The following ADAMTSL3 variants were observed in gnomAD, a reference collection of about 807,000 sequenced individuals.
The protein encoded by ADAMTSL3 is ADAMTS-like protein 3.
In ADAMTSL3, 128 loss-of-function variants were observed where a neutral mutation model predicts 201.7. That is an observed-to-expected ratio of 0.63 (90% CI 0.55 to 0.73). The LOEUF is 0.73. Among genes scored for constraint, ADAMTSL3 ranks in the 30% least tolerant of loss-of-function variants. The probability of loss-of-function intolerance (pLI) is 0.00; values close to 1 mark genes in which losing one functional copy is unlikely to be tolerated. For missense variants in ADAMTSL3, 1,990 were observed against 2,119.6 expected, an observed-to-expected ratio of 0.94 and a Z score of 1.20; for synonymous variants, 738 against 748.4, an observed-to-expected ratio of 0.99 and a Z score of 0.23.
Position 84,014,865 on chromosome 15 carries a change from AC to A in ADAMTSL3, c.4156+142del, listed in dbSNP as rs914229169. ...CATTGCTGCCACTGCCTGCTTAAAAACGAGCACTAAATTCTAACACCCTATT... is the reference window on the plus strand; with the variant it reads ...CATTGCTGCCACTGCCTGCTTAAAAAGAGCACTAAATTCTAACACCCTATT... On this transcript the variant is annotated intron_variant, in intron 24 of 29. Transcript: ENST00000286744. 8 of 829,204 alleles carry A rather than the reference AC, an allele frequency of 9.6e-6. No individual in the cohort carries two copies. In the Admixed American group the frequency reaches 2.1e-4, roughly 21 times the overall value. 51.4% of individuals were successfully genotyped at this position (829,204 alleles called of 1,614,324 possible).
At chr15:83,682,272 C>G (rs2061485975) in intron 2 of ADAMTSL3, among the ~76,000 whole-genome samples, 1 of 151,956 alleles carries the variant, frequency 6.6e-6, no homozygotes, top group Non-Finnish European at 1.5e-5. Context: ...ACAGACCTGC[C>G]CAAGGTTCAC....
chr15:83,679,592 T>C (rs930121963), intron 2 of ADAMTSL3, among the ~76,000 whole-genome samples: 7 of 152,162 alleles, frequency 4.6e-5, no homozygotes, highest in Non-Finnish European at 1.0e-4. Context: ...ATCTGCTTCA[T>C]TCACATGCAG....
intron 19 of ADAMTSL3, among the ~76,000 whole-genome samples, chr15:83,966,077 A>C (rs1215494708): frequency 6.6e-6 from 1 of 152,226 alleles, no homozygotes; most frequent in Non-Finnish European, 1.5e-5. Context: ...CATAGGAGAA[A>C]GCAGAAAAGT....
At chr15:83,761,254 A>G (rs2062805095) in intron 3 of ADAMTSL3, among the ~76,000 whole-genome samples, 1 of 152,078 alleles carries the variant, frequency 6.6e-6, no homozygotes. Flanking sequence ...CTTTAAGGCC[A>G]TTTATCTCTC....
At chr15:83,735,140 AT>A (rs2141617060) in intron 3 of ADAMTSL3, among the ~76,000 whole-genome samples, 1 of 152,308 alleles carries the variant, frequency 6.6e-6, no homozygotes, top group South Asian at 2.1e-4. Flanking sequence ...AAGAAAGAAA[AT>A]TTAACCAGAA....
At chr15:83,718,732 T>C (rs1372872813) in intron 3 of ADAMTSL3, among the ~76,000 whole-genome samples, 2 of 149,428 alleles carry the variant, frequency 1.3e-5, no homozygotes, top group African/African-American at 4.9e-5. Context: ...TGAGCATCAA[T>C]AAAAGCAAAA....
intron 9 of ADAMTSL3, among the ~76,000 whole-genome samples, chr15:83,872,915 G>C (rs2065109523): frequency 6.9e-6 from 1 of 145,556 alleles, no homozygotes; most frequent in African/African-American, 2.6e-5. Context: ...AAATAATTTG[G>C]AAGGATACAT....
Position 84,010,951 on chromosome 15 carries a change from CCA to C in ADAMTSL3, c.3974-3590_3974-3589del, listed in dbSNP as rs1406757294. On this transcript the variant is annotated intron_variant, in intron 23 of 29. Transcript: ENST00000286744. ...TACAGCTTCTGTGCTCCAGTGGCAT[CCA>C]GTATTTTACCTTTATTGCACGCTCT... is the stretch of plus-strand genomic sequence containing the variant. 2.0e-5 allele frequency among the ~76,000 whole-genome samples: 3 copies of C among 152,278 alleles called. No homozygotes were observed. In the East Asian group the frequency reaches 5.8e-4, roughly 29 times the overall value.
intron 2 of ADAMTSL3, among the ~76,000 whole-genome samples, chr15:83,660,244 C>T (rs1342804858): frequency 6.6e-6 from 1 of 152,158 alleles, no homozygotes; most frequent in East Asian, 1.9e-4. Flanking sequence ...TCTTATTCAC[C>T]TTCTACAGCA....
intron 19 of ADAMTSL3, among the ~76,000 whole-genome samples, chr15:83,952,978 A>G (rs1010939176): frequency 1.3e-5 from 2 of 152,196 alleles, no homozygotes; most frequent in African/African-American, 2.4e-5. Context: ...GGCATGGAAC[A>G]TCTAACTCCA....
chr15:84,034,466 T>A (rs1046351829), intron 28 of ADAMTSL3, among the ~76,000 whole-genome samples: 19 of 152,076 alleles, frequency 1.2e-4, no homozygotes, highest in Non-Finnish European at 1.6e-4. Flanking sequence ...TGAAAAGTTG[T>A]AGAGGGAATG....
chr15:83,836,048 A>G (rs2064262977), intron 6 of ADAMTSL3, among the ~76,000 whole-genome samples: 1 of 152,262 alleles, frequency 6.6e-6, no homozygotes. Flanking sequence ...AATGTGTACA[A>G]TATTCATGGC....
intron 4 of ADAMTSL3, among the ~76,000 whole-genome samples, chr15:83,796,920 C>A (rs878901665): frequency 2.0e-5 from 3 of 152,108 alleles, no homozygotes; most frequent in Non-Finnish European, 4.4e-5. Context: ...TTAATCTCTA[C>A]TTGTAAAAAA....
intron 27 of ADAMTSL3, among the ~76,000 whole-genome samples, chr15:84,028,206 A>T (rs973053623): frequency 6.6e-6 from 1 of 152,230 alleles, no homozygotes; most frequent in Admixed American, 6.5e-5. Context: ...TTCCGTTAAC[A>T]TTCGATGGCA....
intron 6 of ADAMTSL3, among the ~76,000 whole-genome samples, chr15:83,834,237 ATCT>A (rs1362872701): frequency 6.6e-6 from 1 of 152,236 alleles, no homozygotes; most frequent in African/African-American, 2.4e-5. Context: ...TGACCCTTAA[ATCT>A]TCTTATAGAA....
Position 84,037,952 on chromosome 15 carries a change from T to TA in ADAMTSL3, c.*148dup. The TA allele has an allele frequency of 2.4e-6, 3 of 1,242,714 alleles. No individual in the cohort carries two copies. The highest frequency in any genetic ancestry group is 3.2e-6 in the Non-Finnish European group (3 of 937,330). 77.0% of individuals were successfully genotyped at this position (1,242,714 alleles called of 1,614,324 possible). Reference sequence around the variant, plus strand: ...GAGGTTGATGCAAAAACACCACTGTTAAGGTGTAAAGTGAAATTTTCCAAT... The same window carrying TA: ...GAGGTTGATGCAAAAACACCACTGTTAAAGGTGTAAAGTGAAATTTTCCAAT... On this transcript the variant is annotated 3_prime_UTR_variant, in exon 30 of 30. Coordinates refer to ENST00000286744, the MANE Select transcript of ADAMTSL3 (RefSeq NM_207517.3).
chr15:83,697,241 A>G (rs1596044948), intron 2 of ADAMTSL3, among the ~76,000 whole-genome samples: 1 of 152,202 alleles, frequency 6.6e-6, no homozygotes, highest in East Asian at 1.9e-4. Flanking sequence ...AATAGGAAAA[A>G]ACAAAACACT....
Position 83,773,668 on chromosome 15 carries a change from T to A in ADAMTSL3, c.317+18T>A. The stretch of plus-strand genomic sequence containing the variant: ...ACTGGAAGGTTAGTGGTGGCTTCAC[T>A]TGCTCCTGCATGTGGAATGTGCCAG... On this transcript the variant is annotated intron_variant, in intron 4 of 29. Transcript: ENST00000286744. The A allele has an allele frequency of 6.2e-7, 1 of 1,602,560 alleles. No individual in the cohort carries two copies. The highest frequency in any genetic ancestry group is 8.5e-7 in the Non-Finnish European group (1 of 1,176,074).
At chr15:83,722,207 A>G (rs141673768) in intron 3 of ADAMTSL3, among the ~76,000 whole-genome samples, 2 of 152,324 alleles carry the variant, frequency 1.3e-5, no homozygotes, top group East Asian at 3.9e-4. Flanking sequence ...ACAAATTCAG[A>G]AAAGTTCAGT....
Sources: allele counts gnomAD v4.1 joint callset (sites outside exome capture counted in the v4.1 genomes callset), GRCh38; gene constraint gnomAD v4.1.1; transcripts MANE v1.5; gene names NCBI Gene and HGNC (gene_info 2026-07-23, HGNC 2026-07-21).